The following HOOK3 variants were observed in gnomAD, a reference collection of about 807,000 sequenced individuals.
HOOK3 encodes hook microtubule tethering protein 3.
Under a neutral mutation model 116.3 loss-of-function variants are expected in HOOK3, and 24 were observed. The ratio of observed to expected loss-of-function variants is 0.21; its 90% confidence interval spans 0.15 to 0.29. HOOK3 has a LOEUF of 0.29. Ranked by LOEUF, HOOK3 falls within the 10% of genes least tolerant of loss-of-function variation. HOOK3 has a pLI of 1.00. For synonymous variants in HOOK3, 275 were observed against 283.0 expected (o/e 0.97, Z 0.28); for missense variants, 632 against 830.2 (o/e 0.76, Z 2.93).
intron 4 of HOOK3, among the ~76,000 whole-genome samples, chr8:42,932,830 T>G (rs1041355295): frequency 6.6e-6 from 1 of 152,144 alleles, no homozygotes; most frequent in African/African-American, 2.4e-5. Context: ...GAGCCTACAC[T>G]GCCGTTCAGT....
chr8:43,000,192 A>T (rs1809353019), intron 16 of HOOK3: 1 of 876,032 alleles, frequency 1.1e-6, no homozygotes. Context: ...TGAATTACTA[A>T]ATCGTTGCTT....
chr8:43,007,940 C>T lies in HOOK3; in HGVS notation c.1738+11C>T. Reference sequence around the variant, plus strand: ...GATTTAACAACAGCTGTGAGTTTTCCTAATTAGGATAGTTTTTAAGTGGGC... The same window carrying T: ...GATTTAACAACAGCTGTGAGTTTTCTTAATTAGGATAGTTTTTAAGTGGGC... On this transcript the variant is annotated intron_variant, in intron 18 of 21. Coordinates refer to ENST00000307602, the MANE Select transcript of HOOK3 (RefSeq NM_032410.4). 1 of 1,544,068 alleles carries T rather than the reference C, an allele frequency of 6.5e-7. No individual in the cohort carries two copies. The highest frequency in any genetic ancestry group is 8.9e-7 in the Non-Finnish European group (1 of 1,123,838).
At position 43,027,545 on chromosome 8, in the gene HOOK3, C is replaced by T. The variant is rs1809954724; in HGVS notation, c.*9047C>T. 8 of 285,874 alleles carry T rather than the reference C, an allele frequency of 2.8e-5. No individual in the cohort carries two copies. In the South Asian group the frequency reaches 3.4e-4, roughly 12 times the overall value. The allele number at this position is 285,874 out of a possible 1,614,324, so 17.7% of individuals were successfully genotyped here. On this transcript the variant is annotated 3_prime_UTR_variant, in exon 22 of 22. Transcript: ENST00000307602. ...GAGAGCAACGCTGGAATAGAGAAGT[C>T]TAGACCCTGGCCTTTGAGGGAAAGG...
intron 5 of HOOK3, among the ~76,000 whole-genome samples, chr8:42,945,885 A>T (rs1347343496): frequency 1.3e-5 from 2 of 152,152 alleles, no homozygotes; most frequent in African/African-American, 4.8e-5. Context: ...TGTTGAAGTT[A>T]CTTGAAGACC....
chr8:42,952,080 G>A lies in HOOK3; in HGVS notation c.468+1625G>A, dbSNP rs1808354840. On this transcript the variant is annotated intron_variant, in intron 6 of 21. Transcript: ENST00000307602. Reference sequence around the variant, plus strand: ...TGGGCCAAACTTCACAGATTTAAAGGCATCATTCTCCACAGACTGCCCACA... The same window carrying A: ...TGGGCCAAACTTCACAGATTTAAAGACATCATTCTCCACAGACTGCCCACA... 2.0e-5 allele frequency among the ~76,000 whole-genome samples: 3 copies of A among 152,126 alleles called. No homozygotes were observed. The South Asian group carries it at 6.2e-4, about 31-fold the overall frequency.
At chr8:42,980,905 G>A (rs1328380361) in intron 13 of HOOK3, among the ~76,000 whole-genome samples, 1 of 151,858 alleles carries the variant, frequency 6.6e-6, no homozygotes, top group African/African-American at 2.4e-5. Flanking sequence ...AGAGACCTGA[G>A]CGAACAAGTG....
At chr8:42,957,501 A>T (rs1808457479) in intron 7 of HOOK3, among the ~76,000 whole-genome samples, 1 of 152,164 alleles carries the variant, frequency 6.6e-6, no homozygotes, top group South Asian at 2.1e-4. Flanking sequence ...TAGATGTTAC[A>T]GCTTATGATT....
chr8:42,936,771 G>A (rs933181725), intron 4 of HOOK3, among the ~76,000 whole-genome samples: 1 of 152,166 alleles, frequency 6.6e-6, no homozygotes, highest in African/African-American at 2.4e-5. Flanking sequence ...GCTTTTTGAT[G>A]TGCTGCTGGA....
intron 11 of HOOK3, among the ~76,000 whole-genome samples, chr8:42,969,270 T>C (rs903218047): frequency 1.3e-5 from 2 of 152,216 alleles, no homozygotes; most frequent in African/African-American, 4.8e-5. Context: ...GTGATTGTGC[T>C]ACCAACAAGC....
rs372731765 is a variant in HOOK3, at chr8:42,906,208, C to T, written c.93C>T (p.Thr31=). ...QTFNVDAPCQ[T]VEDLTNGVVM... is the part of the protein sequence containing the mutation. The stretch of plus-strand genomic sequence containing the variant: ...TTAATGTGGATGCACCATGCCAGAC[C>T]GTGGAAGATTTAACGAATGGGGTTG... Residue 31 remains threonine (T), a synonymous_variant, in exon 2 of 22, where the codon ACC becomes ACT. Coordinates refer to ENST00000307602, the MANE Select transcript of HOOK3 (RefSeq NM_032410.4). 2.4e-5 allele frequency: 37 copies of T among 1,548,142 alleles called. No homozygotes were observed. Among genetic ancestry groups the T allele is most frequent in the East Asian group, 1.8e-4 (7 of 39,440 alleles).
intron 8 of HOOK3, 77 bp downstream of exon 8, chr8:42,959,391 T>TG: frequency 1.2e-5 from 11 of 949,504 alleles, no homozygotes; most frequent in Non-Finnish European, 1.8e-5. Flanking sequence ...TGTACTGTCA[T>TG]ACAGTACATC....
At chr8:42,994,879 C>T (rs1272978662) in intron 15 of HOOK3, among the ~76,000 whole-genome samples, 1 of 152,218 alleles carries the variant, frequency 6.6e-6, no homozygotes, top group Admixed American at 6.5e-5. Context: ...TTTACAATGG[C>T]TTCCGCCTAG....
intron 21 of HOOK3, among the ~76,000 whole-genome samples, chr8:43,017,541 C>G (rs1477471187): frequency 1.3e-5 from 2 of 152,206 alleles, no homozygotes; most frequent in African/African-American, 4.8e-5. Context: ...GCTGGGGTTA[C>G]AGGCATGAGC....
chr8:42,944,153 G>A (rs1346664068), intron 5 of HOOK3, among the ~76,000 whole-genome samples: 1 of 152,140 alleles, frequency 6.6e-6, no homozygotes, highest in Non-Finnish European at 1.5e-5. Flanking sequence ...GGTGGCTCAT[G>A]CCTGTGATCC....
intron 2 of HOOK3, among the ~76,000 whole-genome samples, chr8:42,917,061 A>G (rs1006067336): frequency 3.9e-5 from 6 of 152,230 alleles, no homozygotes; most frequent in African/African-American, 1.4e-4. Flanking sequence ...AAGGGTTCCC[A>G]TGACCCCGTG....
At chr8:42,905,851 C>T (rs919981531) in intron 1 of HOOK3, among the ~76,000 whole-genome samples, 8 of 151,286 alleles carry the variant, frequency 5.3e-5, no homozygotes, top group South Asian at 2.1e-4. Context: ...TTCAGGAGGC[C>T]GAGGCGGGCA....
Position 42,976,040 on chromosome 8 carries a change from ATGTGTGTG to A in HOOK3, c.1321+1862_1321+1869del, listed in dbSNP as rs10675533. ...TGTAGATGTGTGTGTGTATATATAT[ATGTGTGTG>A]TGTGTGTGTGTGTGTATATATATGT... On this transcript the variant is annotated intron_variant, in intron 13 of 21. Transcript: ENST00000307602. 4.8e-3 allele frequency among the ~76,000 whole-genome samples: 714 copies of A among 148,838 alleles called. 10 individuals are homozygous for A. Among genetic ancestry groups the A allele is most frequent in the African/African-American group, 0.017 (679 of 40,564 alleles).
At chr8:42,912,554 CTG>C (rs1807452249) in intron 2 of HOOK3, among the ~76,000 whole-genome samples, 1 of 152,148 alleles carries the variant, frequency 6.6e-6, no homozygotes, top group African/African-American at 2.4e-5. Flanking sequence ...TACCACTGAA[CTG>C]TGCACTTAAA....
At position 42,996,894 on chromosome 8, in the gene HOOK3, C is replaced by CTTTT. The variant is rs60094537; in HGVS notation, c.1533-631_1533-628dup. Among the ~76,000 whole-genome samples the CTTTT allele has an allele frequency of 3.2e-3, 247 of 77,938 alleles. 10 individuals carry two copies. The highest frequency in any genetic ancestry group is 0.019 in the Middle Eastern group (2 of 106). The allele number at this position is 77,938 out of a possible 152,430, so 51.1% of individuals were successfully genotyped here. Reference sequence around the variant, plus strand: ...ACTTTAATTCCGTGAGGGCAGGGATCTTTTTTTTTTTTTTTTTTTTTTTTT... The same window carrying CTTTT: ...ACTTTAATTCCGTGAGGGCAGGGATCTTTTTTTTTTTTTTTTTTTTTTTTTTTTT... On this transcript the variant is annotated intron_variant, in intron 15 of 21. Coordinates refer to ENST00000307602, the MANE Select transcript of HOOK3 (RefSeq NM_032410.4).
Sources: gnomAD v4.1 joint callset for allele counts (sites outside exome capture counted in the v4.1 genomes callset) on GRCh38, gnomAD v4.1.1 for gene constraint, MANE v1.5 for transcripts, NCBI Gene and HGNC (gene_info 2026-07-23, HGNC 2026-07-21) for gene names.